PGAP4: variants seen among roughly 807,000 people sequenced by gnomAD.
The protein encoded by PGAP4 is post-GPI attachment to proteins GalNAc transferase 4.
A neutral mutation model predicts 28.2 loss-of-function variants in PGAP4; 12 were observed. The ratio of observed to expected loss-of-function variants is 0.42; its 90% confidence interval spans 0.27 to 0.69. The LOEUF is 0.69. Ranked by LOEUF, PGAP4 falls within the 30% of genes least tolerant of loss-of-function variation. The probability of loss-of-function intolerance (pLI) is 0.22; values close to 1 mark genes in which losing one functional copy is unlikely to be tolerated. For missense variants in PGAP4, 425 were observed against 513.5 expected (o/e 0.83, Z 1.67); for synonymous variants, 205 against 211.8 (o/e 0.97, Z 0.28).
At position 101,473,897 on chromosome 9, in the gene PGAP4, A is replaced by G. The variant is rs1379496206; in HGVS notation, c.*1984T>C. 1 of 152,266 alleles carries G rather than the reference A, an allele frequency of 6.6e-6. No individual in the cohort carries two copies. Among genetic ancestry groups the G allele is most frequent in the East Asian group, 1.9e-4 (1 of 5,186 alleles). The allele number at this position is 152,266 out of a possible 1,614,324, so 9.4% of individuals were successfully genotyped here. On this transcript the variant is annotated 3_prime_UTR_variant, in exon 2 of 2. Transcript: ENST00000374848. The stretch of plus-strand genomic sequence containing the variant: ...TGAAGGAGTGGGATCTGAACATTGT[A>G]ATAAGTCATCTAGTAGCTCTGATCA...
chr9:101,519,938 G>A (rs1826974927), intron 2 of PGAP4, among the ~76,000 whole-genome samples: 1 of 152,058 alleles, frequency 6.6e-6, no homozygotes, highest in Admixed American at 6.6e-5. Flanking sequence ...TCCTACATGT[G>A]GCTAGCCAAT....
At position 101,475,138 on chromosome 9, in the gene PGAP4, G is replaced by C. The variant is rs1227111141; in HGVS notation, c.*743C>G. The C allele has an allele frequency of 6.6e-6, 1 of 152,180 alleles. No individual in the cohort carries two copies. Among genetic ancestry groups the C allele is most frequent in the Non-Finnish European group, 1.5e-5 (1 of 68,078 alleles). 9.4% of individuals were successfully genotyped at this position (152,180 alleles called of 1,614,324 possible). Reference sequence around the variant, plus strand: ...TTCTGAAATGTCCAATTTTCAAAGAGTCAGAGTAGTACAGAAATGTTCAAT... The same window carrying C: ...TTCTGAAATGTCCAATTTTCAAAGACTCAGAGTAGTACAGAAATGTTCAAT... On this transcript the variant is annotated 3_prime_UTR_variant, in exon 2 of 2. Transcript: ENST00000374848.
At chr9:101,487,604 A>G (rs901130343), upstream of PGAP4, among the ~76,000 whole-genome samples, 6 of 152,196 alleles carry the variant, frequency 3.9e-5, no homozygotes, top group East Asian at 3.9e-4. Flanking sequence ...AGCCTCCTAC[A>G]TTCCACCTTG....
intron 2 of PGAP4, among the ~76,000 whole-genome samples, chr9:101,502,220 G>A (rs955575015): frequency 1.3e-5 from 2 of 151,942 alleles, no homozygotes; most frequent in African/African-American, 4.8e-5. Flanking sequence ...TCTTAATCTG[G>A]AATTTTTGAG....
rs140612519 is a variant in PGAP4 at position 101,476,959 on chromosome 9, C to T, written c.134G>A (p.Arg45Gln). Residue 45 changes from arginine (R) to glutamine (Q), a missense_variant, in exon 2 of 2, where the codon CGA (arginine) becomes CAA (glutamine). By Grantham distance (43) the Arg-to-Gln change is conservative. Transcript: ENST00000374848. The surrounding 1 kb of genome is among the most constrained non-coding windows in gnomAD (Gnocchi z 7.0). ...CAGATAGAAGTAAGAGTGTAGAAGT[C>T]GGTGACAGGCCAGGGGGGCCAGCAG... ...FGLLAPLACH[R>Q]LLHSYFYLRH... 341 of 1,614,040 alleles carry T rather than the reference C, an allele frequency of 2.1e-4. 4 individuals carry two copies. The Middle Eastern group carries it at 8.3e-3, about 39-fold the overall frequency.
At chr9:101,502,695 C>T (rs1164891835) in intron 2 of PGAP4, among the ~76,000 whole-genome samples, 3 of 152,012 alleles carry the variant, frequency 2.0e-5, no homozygotes, top group Non-Finnish European at 2.9e-5. Flanking sequence ...TTGGGATGTC[C>T]CTTGCTCTGG....
chr9:101,500,617 A>C (rs1588206070), intron 2 of PGAP4, among the ~76,000 whole-genome samples: 1 of 151,862 alleles, frequency 6.6e-6, no homozygotes, highest in Non-Finnish European at 1.5e-5. Flanking sequence ...TAGTCAGCCC[A>C]CCAGAGTGCT....
rs1000197012 is a variant in PGAP4, at chr9:101,483,394, G to A, written c.-78+3555C>T. 3.4e-4 allele frequency among the ~76,000 whole-genome samples: 51 copies of A among 152,198 alleles called. 2 individuals carry two copies. The highest frequency in any genetic ancestry group is 2.9e-3 in the Admixed American group (44 of 15,288). ...GATCCTCATAAAAAGCCTCCAAGAA[G>A]TATGACTATTAAGCCCATTTTATAC... On this transcript the variant is annotated intron_variant, in intron 1 of 1. Transcript: ENST00000374848.
upstream of PGAP4, among the ~76,000 whole-genome samples, chr9:101,488,741 A>G (rs144231152): frequency 5.0e-4 from 76 of 152,336 alleles, no homozygotes; most frequent in African/African-American, 1.8e-3. Flanking sequence ...ATAAAATGTA[A>G]TAATCAGTCC....
intron 2 of PGAP4, among the ~76,000 whole-genome samples, chr9:101,529,118 T>C (rs1288581361): frequency 6.6e-6 from 1 of 151,756 alleles, no homozygotes; most frequent in South Asian, 2.1e-4. Context: ...TGACATGATG[T>C]CATTCTTTTT....
At chr9:101,526,742 C>T (rs920271744) in intron 2 of PGAP4, among the ~76,000 whole-genome samples, 1 of 152,208 alleles carries the variant, frequency 6.6e-6, no homozygotes, top group African/African-American at 2.4e-5. Flanking sequence ...AGCCACTGCG[C>T]CTGGCCCCAG....
chr9:101,484,499 T>A (rs1480085092), intron 1 of PGAP4, among the ~76,000 whole-genome samples: 2 of 152,240 alleles, frequency 1.3e-5, no homozygotes, highest in Non-Finnish European at 1.5e-5. Flanking sequence ...ATTCGTGTTA[T>A]AAATCCTAAT....
At chr9:101,531,446 T>G (rs1286264329) in exon 2 of PGAP4, 2 of 152,198 alleles carry the variant, frequency 1.3e-5, no homozygotes, top group Non-Finnish European at 2.9e-5. Context: ...CTAACTCAGT[T>G]GATTGGCTCC....
chr9:101,522,467 G>A (rs1412052418), intron 2 of PGAP4, among the ~76,000 whole-genome samples: 1 of 152,130 alleles, frequency 6.6e-6, no homozygotes, highest in Admixed American at 6.6e-5. Context: ...ATTATATAAT[G>A]TCCCTCATTG....
intron 1 of PGAP4, among the ~76,000 whole-genome samples, chr9:101,480,330 C>T (rs1826446282): frequency 6.6e-6 from 1 of 151,984 alleles, no homozygotes; most frequent in Non-Finnish European, 1.5e-5. Context: ...TACTCTAGGA[C>T]CCAGGCAGAT....
At chr9:101,490,426 GTGATCT>G (rs1826676042), upstream of PGAP4, among the ~76,000 whole-genome samples, 8 of 152,188 alleles carry the variant, frequency 5.3e-5, no homozygotes, top group Non-Finnish European at 1.5e-5. Context: ...CTGACCTGAA[GTGATCT>G]GCCCGCCTCA....
intron 2 of PGAP4, among the ~76,000 whole-genome samples, chr9:101,517,370 ATATC>A (rs1826951683): frequency 6.6e-6 from 1 of 152,194 alleles, no homozygotes; most frequent in African/African-American, 2.4e-5. Context: ...AATGGAAAAT[ATATC>A]TATATCACAT....
chr9:101,493,127 G>A (rs905484146), intron 2 of PGAP4, among the ~76,000 whole-genome samples: 2 of 151,586 alleles, frequency 1.3e-5, no homozygotes, highest in Non-Finnish European at 2.9e-5. Flanking sequence ...GGTGGCAGGC[G>A]CTCGTAGTCC....
chr9:101,510,338 A>G (rs375558107), intron 2 of PGAP4, among the ~76,000 whole-genome samples: 1 of 152,090 alleles, frequency 6.6e-6, no homozygotes, highest in East Asian at 1.9e-4. Context: ...GACACATTTG[A>G]TGAAGCGGTG....
Sources: gnomAD v4.1 joint callset for allele counts (sites outside exome capture counted in the v4.1 genomes callset) on GRCh38, gnomAD v4.1.1 for gene constraint, Gnocchi (gnomAD v3.1) non-coding constraint, MANE v1.5 for transcripts, NCBI Gene and HGNC (gene_info 2026-07-23, HGNC 2026-07-21) for gene names.